The following FAM78B variants were observed in gnomAD, a reference collection of about 807,000 sequenced individuals.
FAM78B encodes the protein family with sequence similarity 78 member B, also known as protein FAM78B.
Under a neutral mutation model 20.0 loss-of-function variants are expected in FAM78B, and 10 were observed. That is an observed-to-expected ratio of 0.50 (90% CI 0.31 to 0.85). The LOEUF is 0.85. Ranked by LOEUF, FAM78B falls within the 40% of genes least tolerant of loss-of-function variation. The pLI, the probability that FAM78B is intolerant of heterozygous loss-of-function variation, is 0.05. For synonymous variants in FAM78B, 135 were observed against 132.8 expected, an observed-to-expected ratio of 1.02 and a Z score of -0.12; for missense variants, 283 against 345.0, an observed-to-expected ratio of 0.82 and a Z score of 1.42.
At chr1:166,165,878 G>T in intron 1 of FAM78B, 108 bp downstream of exon 1, 2 of 1,353,462 alleles carry the variant, frequency 1.5e-6, no homozygotes, top group Non-Finnish European at 2.1e-6. Flanking sequence ...GGAAGGTTTA[G>T]AAAGACGATG....
At chr1:166,119,197 A>C (rs934998724) in intron 1 of FAM78B, among the ~76,000 whole-genome samples, 2 of 152,210 alleles carry the variant, frequency 1.3e-5, no homozygotes, top group African/African-American at 2.4e-5. Context: ...ACAAAAGGAC[A>C]CATTTACAAC....
chr1:166,065,829 CTAT>C (rs1315674039), downstream of FAM78B, among the ~76,000 whole-genome samples: 4 of 149,890 alleles, frequency 2.7e-5, no homozygotes, highest in Middle Eastern at 3.4e-3. Flanking sequence ...AGCTCCCTTT[CTAT>C]CTAAGGATCA....
chr1:166,150,483 T>G (rs1470911788), intron 1 of FAM78B, among the ~76,000 whole-genome samples: 1 of 152,226 alleles, frequency 6.6e-6, no homozygotes. Context: ...ATTGCAAGTT[T>G]CTTCTTGAAT....
intron 1 of FAM78B, among the ~76,000 whole-genome samples, chr1:166,140,553 A>C (rs1655241356): frequency 1.3e-5 from 2 of 152,244 alleles, no homozygotes; most frequent in Admixed American, 1.3e-4. Context: ...TCTCTGCTTA[A>C]GGGAAAGATG....
intron 1 of FAM78B, among the ~76,000 whole-genome samples, chr1:166,109,882 GTATATATGTATATATATA>G (rs1653966598): frequency 8.2e-5 from 1 of 12,250 alleles, no homozygotes; most frequent in Non-Finnish European, 2.4e-4. Context: ...ATATATATAT[GTATATATGTATATATATA>G]TATATATATA....
chr1:166,142,489 A>G (rs942414150), intron 1 of FAM78B, among the ~76,000 whole-genome samples: 2 of 152,244 alleles, frequency 1.3e-5, no homozygotes, highest in African/African-American at 4.8e-5. Flanking sequence ...TGTATGGTGC[A>G]CAATGGGATT....
intron 1 of FAM78B, among the ~76,000 whole-genome samples, chr1:166,157,844 C>A (rs1047450892): frequency 6.6e-6 from 1 of 152,184 alleles, no homozygotes; most frequent in Non-Finnish European, 1.5e-5. Context: ...CCCAGACCAA[C>A]CAGCTTGCAG....
chr1:166,133,286 C>G (rs907246305), intron 1 of FAM78B, among the ~76,000 whole-genome samples: 2 of 152,200 alleles, frequency 1.3e-5, no homozygotes, highest in African/African-American at 4.8e-5. Context: ...AAGGTCCACT[C>G]TGGTCTTCCT....
intron 1 of FAM78B, among the ~76,000 whole-genome samples, chr1:166,092,224 G>A (rs549305011): frequency 1.3e-5 from 2 of 152,268 alleles, no homozygotes; most frequent in South Asian, 2.1e-4. Context: ...AATTATCTGT[G>A]CCAATGGAAG....
intron 1 of FAM78B, among the ~76,000 whole-genome samples, chr1:166,078,792 G>A (rs1194886029): frequency 6.6e-6 from 1 of 152,148 alleles, no homozygotes; most frequent in Non-Finnish European, 1.5e-5. Context: ...GATGCGGTGT[G>A]GGTTGGGAGT....
At chr1:166,157,033 CGGAGG>C (rs1200083938) in intron 1 of FAM78B, among the ~76,000 whole-genome samples, 2 of 890 alleles carry the variant, frequency 2.2e-3, no homozygotes, top group Non-Finnish European at 0.056. Context: ...AAGGGGGCGG[CGGAGG>C]GGGGGGGGGG....
chr1:166,066,972 G>A (rs571816387), downstream of FAM78B, among the ~76,000 whole-genome samples: 1 of 152,214 alleles, frequency 6.6e-6, no homozygotes, highest in East Asian at 1.9e-4. Context: ...CCATATTAAG[G>A]GTTCAACCTC....
chr1:166,091,441 C>T (rs61835095), intron 1 of FAM78B, among the ~76,000 whole-genome samples: 1 of 152,176 alleles, frequency 6.6e-6, no homozygotes. Context: ...GGGAGTTCCC[C>T]TGCACAAGCT....
At chr1:166,162,434 T>C (rs1018907682) in intron 1 of FAM78B, among the ~76,000 whole-genome samples, 9 of 152,194 alleles carry the variant, frequency 5.9e-5, no homozygotes, top group Admixed American at 2.0e-4. Context: ...AGTTCCCTTA[T>C]AGCCCCAGAA....
chr1:166,161,157 C>CT (rs201739007), intron 1 of FAM78B, among the ~76,000 whole-genome samples: 300 of 145,338 alleles, frequency 2.1e-3, no homozygotes, highest in African/African-American at 4.6e-3. Flanking sequence ...GATTTTCTTT[C>CT]TTTTTTTTTT....
intron 1 of FAM78B, among the ~76,000 whole-genome samples, chr1:166,103,608 A>C (rs1653625418): frequency 1.3e-5 from 2 of 152,232 alleles, no homozygotes; most frequent in African/African-American, 4.8e-5. Flanking sequence ...TCTAGAAGAA[A>C]TGGATAAATT....
intron 1 of FAM78B, among the ~76,000 whole-genome samples, chr1:166,110,631 G>A (rs1388339568): frequency 1.3e-5 from 2 of 152,172 alleles, no homozygotes; most frequent in African/African-American, 2.4e-5. Flanking sequence ...GGCTTGGTGG[G>A]CAACAGTGAC....
At chr1:166,103,698 G>A (rs963855025) in intron 1 of FAM78B, among the ~76,000 whole-genome samples, 1 of 152,178 alleles carries the variant, frequency 6.6e-6, no homozygotes, top group Non-Finnish European at 1.5e-5. Context: ...CTCTGAAATT[G>A]AGGCAATAAT....
intron 1 of FAM78B, among the ~76,000 whole-genome samples, chr1:166,080,524 A>T (rs1652522150): frequency 6.6e-6 from 1 of 152,218 alleles, no homozygotes; most frequent in Admixed American, 6.5e-5. Context: ...TCTAACCGCT[A>T]TGTTCAGCCT....
Sources: allele counts gnomAD v4.1 joint callset (sites outside exome capture counted in the v4.1 genomes callset), GRCh38; gene constraint gnomAD v4.1.1; transcripts MANE v1.5; gene names NCBI Gene and HGNC (gene_info 2026-07-23, HGNC 2026-07-21).